Variants in PCDHAC1 observed in about 807,000 individuals in gnomAD.
PCDHAC1 encodes protocadherin alpha subfamily C, 1.
In PCDHAC1, 42 loss-of-function variants were observed where a neutral mutation model predicts 60.0. The ratio of observed to expected loss-of-function variants is 0.70; its 90% confidence interval spans 0.55 to 0.90. The LOEUF is 0.90. Among genes scored for constraint, PCDHAC1 ranks in the 40% least tolerant of loss-of-function variants. The pLI is 0.00. For synonymous variants in PCDHAC1, 468 were observed against 499.3 expected (o/e 0.94, Z 0.84); for missense variants, 1,160 against 1,222.3 (o/e 0.95, Z 0.76).
At chr5:140,955,654 AT>A (rs1264049969) in intron 1 of PCDHAC1, among the ~76,000 whole-genome samples, 1 of 152,208 alleles carries the variant, frequency 6.6e-6, no homozygotes, top group Non-Finnish European at 1.5e-5. Flanking sequence ...TAATACACAT[AT>A]GAATTTTAAC....
rs2096268798 is a variant in PCDHAC1 at position 140,968,765 on chromosome 5, G to A, written c.2434-10184G>A. 8.1e-6 allele frequency: 13 copies of A among 1,614,078 alleles called. No homozygotes were observed. The East Asian group carries it at 2.2e-4, about 28-fold the overall frequency. On this transcript the variant is annotated intron_variant, in intron 1 of 3. Transcript: ENST00000253807. Reference sequence around the variant, plus strand: ...GACCGTGGTGGTCCGAGATAATGGAGAGCCATCACTATCAGCCTCTGTGGC... The same window carrying A: ...GACCGTGGTGGTCCGAGATAATGGAAAGCCATCACTATCAGCCTCTGTGGC...
chr5:140,927,616 G>C lies in PCDHAC1; in HGVS notation c.724G>C (p.Val242Leu). 1 of 1,614,164 alleles carries C rather than the reference G, an allele frequency of 6.2e-7. No homozygotes were observed. Among genetic ancestry groups the C allele is most frequent in the Non-Finnish European group, 8.5e-7 (1 of 1,180,030 alleles). ...TGAGCGCTCCGTATACCGCACCAAG[G>C]TTCCAGAGACTGCACCCAATGGGAC... ...VFERSVYRTK[V>L]PETAPNGTVL... Residue 242 changes from valine to leucine, a missense_variant, in exon 1 of 4, where the codon GTT becomes CTT. Val to Leu is a conservative substitution (Grantham distance 32, BLOSUM62 1). This residue lies in a region of PCDHAC1 where 1,113 missense variants were observed against 1,163.7 expected (regional missense o/e 0.96). Transcript: ENST00000253807.
At chr5:140,977,126 T>C (rs782356713) in intron 1 of PCDHAC1, among the ~76,000 whole-genome samples, 27 of 152,240 alleles carry the variant, frequency 1.8e-4, no homozygotes, top group Admixed American at 4.6e-4. Context: ...GAACTGAGTT[T>C]CCTGGTCAGT....
At chr5:140,997,668 T>TTGTGTGTGTGTGTGTGTG (rs35184029) in intron 3 of PCDHAC1, among the ~76,000 whole-genome samples, 77 of 148,344 alleles carry the variant, frequency 5.2e-4, no homozygotes, top group African/African-American at 1.8e-3. Context: ...ATTATACAGC[T>TTGTGTGTGTGTGTGTGTG]TGTGTGTGTG....
At chr5:140,984,905 C>G (rs1214020745) in intron 3 of PCDHAC1, among the ~76,000 whole-genome samples, 1 of 152,004 alleles carries the variant, frequency 6.6e-6, no homozygotes, top group African/African-American at 2.4e-5. Context: ...AAAAAAAGAA[C>G]TGAGCATAGT....
At chr5:140,981,284 G>A (rs1554242765) in intron 2 of PCDHAC1, among the ~76,000 whole-genome samples, 4 of 152,094 alleles carry the variant, frequency 2.6e-5, no homozygotes, top group Non-Finnish European at 5.9e-5. Context: ...GTTTAAAAGG[G>A]TCCTCTAGTC....
intron 1 of PCDHAC1, chr5:140,969,073 G>T (rs781937942): frequency 2.5e-6 from 4 of 1,614,092 alleles, no homozygotes; most frequent in South Asian, 2.2e-5. Flanking sequence ...CCAGGATACC[G>T]CATGGCCTCA....
rs376929883 is a variant in PCDHAC1 at position 140,967,867 on chromosome 5, C to T, written c.2434-11082C>T. Reference sequence around the variant, plus strand: ...ATGACAATGCCCCAGAGGTGGTGCTCACGGACCTGTATAGCCCAGTGCCTG... The same window carrying T: ...ATGACAATGCCCCAGAGGTGGTGCTTACGGACCTGTATAGCCCAGTGCCTG... On this transcript the variant is annotated intron_variant, in intron 1 of 3. Coordinates refer to ENST00000253807, the MANE Select transcript of PCDHAC1 (RefSeq NM_018898.5). 48 of 1,614,012 alleles carry T rather than the reference C, an allele frequency of 3.0e-5. No individual in the cohort carries two copies. The African/African-American group carries it at 6.0e-4, about 20-fold the overall frequency.
At position 140,946,093 on chromosome 5, in the gene PCDHAC1, T is replaced by A. The variant is rs1171535500; in HGVS notation, c.2433+16768T>A. Among the ~76,000 whole-genome samples, 4 of 151,584 alleles carry A rather than the reference T, an allele frequency of 2.6e-5. No homozygotes were observed. In the East Asian group the frequency reaches 7.7e-4, roughly 29 times the overall value. ...TGCAAACCACAGATCTGATAAGGAG[T>A]TAACATACCAAATATATAAGGAACT... is the stretch of plus-strand genomic sequence containing the variant. On this transcript the variant is annotated intron_variant, in intron 1 of 3. Transcript: ENST00000253807.
chr5:140,973,406 T>C (rs1205127002), intron 1 of PCDHAC1, among the ~76,000 whole-genome samples: 1 of 152,240 alleles, frequency 6.6e-6, no homozygotes, highest in Non-Finnish European at 1.5e-5. Flanking sequence ...ATCTATGAGC[T>C]TCCACTCCAG....
At chr5:141,000,547 A>T (rs2097946124) in intron 3 of PCDHAC1, among the ~76,000 whole-genome samples, 1 of 147,246 alleles carries the variant, frequency 6.8e-6, no homozygotes, top group Non-Finnish European at 1.5e-5. Context: ...CATGCCTCAA[A>T]CTCCCGAGTA....
At chr5:140,987,451 T>G (rs1481665271) in intron 3 of PCDHAC1, among the ~76,000 whole-genome samples, 2 of 152,108 alleles carry the variant, frequency 1.3e-5, no homozygotes, top group African/African-American at 4.8e-5. Flanking sequence ...GCCCGAGAGA[T>G]AATTGTTAAG....
intron 3 of PCDHAC1, among the ~76,000 whole-genome samples, chr5:140,988,221 T>A (rs1554249982): frequency 6.6e-6 from 1 of 152,016 alleles, no homozygotes; most frequent in Non-Finnish European, 1.5e-5. Context: ...AAAAATGAGA[T>A]CAGGGATCTA....
At position 141,010,191 on chromosome 5, in the gene PCDHAC1, C is replaced by T; in HGVS notation, c.*254C>T. 1 of 1,552,476 alleles carries T rather than the reference C, an allele frequency of 6.4e-7. No homozygotes were observed. The highest frequency in any genetic ancestry group is 1.4e-5 in the African/African-American group (1 of 73,166). ...AACCTAAAAAGCAGACCCAAGTTTCCTTTCTCCTCCGCCGCAAAGGAGAGG... is the reference window on the plus strand; with the variant it reads ...AACCTAAAAAGCAGACCCAAGTTTCTTTTCTCCTCCGCCGCAAAGGAGAGG... On this transcript the variant is annotated 3_prime_UTR_variant, in exon 4 of 4. Transcript: ENST00000253807.
intron 3 of PCDHAC1, among the ~76,000 whole-genome samples, chr5:141,008,162 G>A (rs1280112352): frequency 6.6e-6 from 1 of 152,128 alleles, no homozygotes; most frequent in East Asian, 1.9e-4. Flanking sequence ...ATAAGATGAG[G>A]ACTAAAATGT....
At chr5:140,977,356 TA>T (rs2096758024) in intron 1 of PCDHAC1, among the ~76,000 whole-genome samples, 1 of 152,250 alleles carries the variant, frequency 6.6e-6, no homozygotes, top group South Asian at 2.1e-4. Flanking sequence ...GACTGATTGA[TA>T]AAAAGTATTT....
Position 140,926,735 on chromosome 5 carries a change from G to A in PCDHAC1, c.-158G>A, listed in dbSNP as rs2083511846. ...GCCCCGGCAATGCCGGCGTTCGGGA[G>A]GCGCAACGTCGGCGGTCGCTGAGTA... On this transcript the variant is annotated 5_prime_UTR_variant, in exon 1 of 4. Coordinates refer to ENST00000253807, the MANE Select transcript of PCDHAC1 (RefSeq NM_018898.5). 12 of 1,140,634 alleles carry A rather than the reference G, an allele frequency of 1.1e-5. No individual in the cohort carries two copies. Among genetic ancestry groups the A allele is most frequent in the African/African-American group, 1.6e-5 (1 of 62,310 alleles). 70.7% of individuals were successfully genotyped at this position (1,140,634 alleles called of 1,614,324 possible).
In PCDHAC1 at chr5:141,000,054, A is replaced by G. The variant is rs189634054; in HGVS notation, c.2582-9573A>G. On this transcript the variant is annotated intron_variant, in intron 3 of 3. Coordinates refer to ENST00000253807, the MANE Select transcript of PCDHAC1 (RefSeq NM_018898.5). ...CCAATCACACACACACCACTCTCCC[A>G]GCTGCTCTGTAGATCACAATGCTAG... Among the ~76,000 whole-genome samples the G allele has an allele frequency of 4.0e-3, 609 of 152,230 alleles. 3 individuals carry two copies. Among genetic ancestry groups the G allele is most frequent in the African/African-American group, 0.014 (564 of 41,556 alleles).
At chr5:140,950,112 A>G (rs1263517017) in intron 1 of PCDHAC1, among the ~76,000 whole-genome samples, 3 of 151,944 alleles carry the variant, frequency 2.0e-5, no homozygotes, top group Non-Finnish European at 4.4e-5. Context: ...ATCTCATACA[A>G]TACAAAACCC....
Sources: gnomAD v4.1 joint callset for allele counts (sites outside exome capture counted in the v4.1 genomes callset) on GRCh38, gnomAD v4.1.1 for gene constraint, gnomAD v4.1.1 regional missense constraint, MANE v1.5 for transcripts, NCBI Gene and HGNC (gene_info 2026-07-23, HGNC 2026-07-21) for gene names.